The following RPS6KA3 variants were observed in gnomAD, a reference collection of about 807,000 sequenced individuals.
The protein encoded by RPS6KA3 is ribosomal protein S6 kinase alpha-3.
A neutral mutation model predicts 67.2 loss-of-function variants in RPS6KA3; 4 were observed. The observed-to-expected ratio is 0.06, with a 90% CI of 0.03 to 0.14. RPS6KA3 has a LOEUF of 0.14. RPS6KA3 is among the 10% of genes least tolerant of loss of function. The pLI, the probability that RPS6KA3 is intolerant of heterozygous loss-of-function variation, is 1.00. For synonymous variants in RPS6KA3, 182 were observed against 183.7 expected (o/e 0.99, Z 0.07); for missense variants, 204 against 559.0 (o/e 0.36, Z 6.40).
chrX:20,192,592 CTTTT>C (rs1159974637), intron 7 of RPS6KA3, among the ~76,000 whole-genome samples: 1 of 45,415 alleles, frequency 2.2e-5, no homozygotes, highest in African/African-American at 1.2e-4. Context: ...TGTAAATTTT[CTTTT>C]TTTTTTTTTT....
At position 20,173,727 on chromosome X, in the gene RPS6KA3, G is replaced by T. The variant is rs191927017; in HGVS notation, c.1228-856C>A. ...ATGTGCTTGCATAGTAAATGGCACA[G>T]ACTATTTCAACATGAGCTCTGCTTA... On this transcript the variant is annotated intron_variant, in intron 14 of 21. Transcript: ENST00000379565. Among the ~76,000 whole-genome samples the T allele has an allele frequency of 8.4e-4, 95 of 112,566 alleles. No individual in the cohort carries two copies. In the East Asian group the frequency reaches 0.025, roughly 29 times the overall value.
intron 1 of RPS6KA3, among the ~76,000 whole-genome samples, chrX:20,254,655 C>A (rs1199935418): frequency 8.9e-6 from 1 of 112,241 alleles, no homozygotes; most frequent in Non-Finnish European, 1.9e-5. Context: ...AGCATTAGAA[C>A]AAAAGCCAAC....
At position 20,163,057 on chromosome X, in the gene RPS6KA3, A is replaced by G. The variant is rs763852282; in HGVS notation, c.1765-17T>C. The G allele has an allele frequency of 3.9e-6, 4 of 1,037,724 alleles. No homozygotes were observed. Among genetic ancestry groups the G allele is most frequent in the Non-Finnish European group, 5.4e-6 (4 of 737,064 alleles). 85.5% of individuals were successfully genotyped at this position (1,037,724 alleles called of 1,213,427 possible). A position where few individuals can be genotyped will look rare whatever the true frequency, so the allele number is the denominator to read the frequency against. On this transcript the variant is annotated splice_polypyrimidine_tract_variant and intron_variant, in intron 18 of 21. Transcript: ENST00000379565. ...TTTTAAAACCTAGAAAAAGTGCAAA[A>G]TTAGTATTACTATACCACCATTTTG...
At chrX:20,173,769 T>C (rs1216947930) in intron 14 of RPS6KA3, among the ~76,000 whole-genome samples, 1 of 112,583 alleles carries the variant, frequency 8.9e-6, no homozygotes, top group Non-Finnish European at 1.9e-5. Flanking sequence ...AGTGTTTTAA[T>C]TGTTTTTCTA....
At chrX:20,225,230 G>GTT (rs113509516) in intron 2 of RPS6KA3, among the ~76,000 whole-genome samples, 3 of 88,278 alleles carry the variant, frequency 3.4e-5, no homozygotes, top group African/African-American at 1.3e-4. Flanking sequence ...AAAAGGGGAG[G>GTT]TTTTTTTTTT....
chrX:20,261,303 G>A (rs1176214615), intron 1 of RPS6KA3, among the ~76,000 whole-genome samples: 2 of 111,872 alleles, frequency 1.8e-5, no homozygotes, highest in Non-Finnish European at 3.8e-5. Context: ...TTAAAAGAGA[G>A]GATTTGAAAT....
At chrX:20,232,784 A>G (rs1288180826) in intron 2 of RPS6KA3, among the ~76,000 whole-genome samples, 1 of 111,717 alleles carries the variant, frequency 9.0e-6, no homozygotes, top group African/African-American at 3.3e-5. Flanking sequence ...TAAAATAACA[A>G]ATGCCAATAA....
At chrX:20,206,600 C>T (rs139426430) in intron 3 of RPS6KA3, among the ~76,000 whole-genome samples, 1 of 112,344 alleles carries the variant, frequency 8.9e-6, no homozygotes, top group Non-Finnish European at 1.9e-5. Context: ...TTCCTTCACT[C>T]ATGGAACATT....
intron 1 of RPS6KA3, among the ~76,000 whole-genome samples, chrX:20,248,595 T>C (rs1443353580): frequency 8.9e-6 from 1 of 111,866 alleles, no homozygotes; most frequent in Non-Finnish European, 1.9e-5. Context: ...TTCTCCTGCC[T>C]CAGCCTCCTT....
intron 1 of RPS6KA3, among the ~76,000 whole-genome samples, chrX:20,259,017 T>C (rs1603433053): frequency 8.9e-6 from 1 of 111,865 alleles, no homozygotes; most frequent in East Asian, 2.8e-4. Flanking sequence ...AATTGAGCCA[T>C]TCTGTTATGG....
intron 1 of RPS6KA3, among the ~76,000 whole-genome samples, chrX:20,262,615 C>T (rs1451718901): frequency 9.0e-6 from 1 of 111,471 alleles, no homozygotes; most frequent in Non-Finnish European, 1.9e-5. Context: ...AACTGACATC[C>T]TCTATCATAA....
intron 1 of RPS6KA3, among the ~76,000 whole-genome samples, chrX:20,254,060 T>A (rs1217285346): frequency 8.9e-6 from 1 of 112,064 alleles, no homozygotes; most frequent in Non-Finnish European, 1.9e-5. Context: ...TAGCTATTAC[T>A]CTTGAATTAT....
chrX:20,216,199 T>C (rs961650218), intron 2 of RPS6KA3, among the ~76,000 whole-genome samples: 3 of 111,848 alleles, frequency 2.7e-5, no homozygotes, highest in Non-Finnish European at 5.6e-5. Context: ...AGACTGTTGA[T>C]TTGATAAGCA....
intron 1 of RPS6KA3, among the ~76,000 whole-genome samples, chrX:20,248,462 G>C (rs1475546566): frequency 9.0e-6 from 1 of 111,099 alleles, no homozygotes; most frequent in East Asian, 2.8e-4. Context: ...ATTGAGAATA[G>C]ACACTTTAAT....
In RPS6KA3 at chrX:20,248,124, T is replaced by C. The variant is rs775767197; in HGVS notation, c.70-13310A>G. Among the ~76,000 whole-genome samples, 90 of 112,511 alleles carry C rather than the reference T, an allele frequency of 8.0e-4. 1 individual carries two copies. Among genetic ancestry groups the C allele is most frequent in the African/African-American group, 2.8e-3 (88 of 31,026 alleles). On this transcript the variant is annotated intron_variant, in intron 1 of 21. Transcript: ENST00000379565. The stretch of plus-strand genomic sequence containing the variant: ...AGCTGTTTGTTGATTTCTGAATACA[T>C]TTTGTGTAATATCACCTTAGTAGGC...
chrX:20,237,928 T>C (rs774047763), intron 1 of RPS6KA3, among the ~76,000 whole-genome samples: 43 of 111,560 alleles, frequency 3.9e-4, no homozygotes, highest in African/African-American at 1.4e-3. Flanking sequence ...GAGAAAGTAC[T>C]GCCTGCTACA....
At chrX:20,224,517 C>T (rs989147085) in intron 2 of RPS6KA3, among the ~76,000 whole-genome samples, 1 of 111,473 alleles carries the variant, frequency 9.0e-6, no homozygotes, top group African/African-American at 3.3e-5. Context: ...ATTGATTCCA[C>T]TGGATACTTT....
rs777695477 is a variant in RPS6KA3, at chrX:20,236,193, A to G, written c.70-1379T>C. Among the ~76,000 whole-genome samples the G allele has an allele frequency of 9.3e-4, 104 of 111,902 alleles. 1 individual carries two copies. The highest frequency in any genetic ancestry group is 3.1e-3 in the African/African-American group (95 of 30,840). ...GGTTATCTCTGGGTGGTAGAATTTT[A>G]GACAATTTAAATTGTTTATTTTTGC... On this transcript the variant is annotated intron_variant, in intron 1 of 21. Transcript: ENST00000379565.
At chrX:20,170,122 A>G (rs1274372287) in intron 15 of RPS6KA3, among the ~76,000 whole-genome samples, 1 of 112,091 alleles carries the variant, frequency 8.9e-6, no homozygotes, top group African/African-American at 3.2e-5. Flanking sequence ...AAGCCCTTTA[A>G]AATAGTAATG....
Sources: gnomAD v4.1 joint callset for allele counts (sites outside exome capture counted in the v4.1 genomes callset) on GRCh38, gnomAD v4.1.1 for gene constraint, MANE v1.5 for transcripts, NCBI Gene and HGNC (gene_info 2026-07-23, HGNC 2026-07-21) for gene names.